Variants in WFDC8 observed in about 807,000 individuals in gnomAD.
WFDC8 encodes the protein WAP four-disulfide core domain 8.
In WFDC8, 24 loss-of-function variants were observed where a neutral mutation model predicts 27.0. That is an observed-to-expected ratio of 0.89 (90% CI 0.64 to 1.25). WFDC8 has a LOEUF of 1.25. WFDC8 is among the 50% of genes most tolerant of loss of function. WFDC8 has a pLI of 0.00. For synonymous variants in WFDC8, 106 were observed against 99.7 expected (o/e 1.06, Z -0.38); for missense variants, 287 against 295.9 (o/e 0.97, Z 0.22).
At chr20:45,567,647 C>G (rs1333152563) in intron 1 of WFDC8, among the ~76,000 whole-genome samples, 1 of 152,118 alleles carries the variant, frequency 6.6e-6, no homozygotes, top group Non-Finnish European at 1.5e-5. Flanking sequence ...ACAAAGGAAC[C>G]AGACTTCTAA....
chr20:45,566,730 C>T (rs1209445301), intron 1 of WFDC8, among the ~76,000 whole-genome samples: 2 of 152,092 alleles, frequency 1.3e-5, no homozygotes, highest in Non-Finnish European at 2.9e-5. Context: ...AGTAGAAGTG[C>T]ATTCCTAAAT....
chr20:45,565,339 A>G (rs1323414514), intron 1 of WFDC8, among the ~76,000 whole-genome samples: 1 of 152,214 alleles, frequency 6.6e-6, no homozygotes, highest in East Asian at 1.9e-4. Flanking sequence ...TGGGGTACCC[A>G]TATCCCTCAG....
At chr20:45,567,511 C>T (rs1328900887) in intron 1 of WFDC8, among the ~76,000 whole-genome samples, 5 of 152,172 alleles carry the variant, frequency 3.3e-5, no homozygotes, top group African/African-American at 9.7e-5. Context: ...CGGTCAGAAA[C>T]GGCCCATACA....
intron 1 of WFDC8, chr20:45,568,593 C>A: frequency 1.9e-6 from 1 of 518,392 alleles, no homozygotes; most frequent in Non-Finnish European, 3.9e-6. Flanking sequence ...CAGCCAATAC[C>A]ATAGCTTTAT....
At chr20:45,551,478 A>C (rs932813545), downstream of WFDC8, 19 of 152,310 alleles carry the variant, frequency 1.2e-4, 1 homozygote, top group African/African-American at 3.4e-4. Flanking sequence ...AAATACAAAA[A>C]ATTAGCTGGG....
chr20:45,575,098 T>A (rs1354961679), intron 1 of WFDC8, among the ~76,000 whole-genome samples: 1 of 152,242 alleles, frequency 6.6e-6, no homozygotes, highest in East Asian at 1.9e-4. Context: ...GTTTTTTCTC[T>A]GAGATCAGGA....
chr20:45,567,302 C>T (rs529697704), intron 1 of WFDC8, among the ~76,000 whole-genome samples: 1 of 152,092 alleles, frequency 6.6e-6, no homozygotes, highest in Non-Finnish European at 1.5e-5. Context: ...TAAATATATT[C>T]AAAATACACA....
chr20:45,562,031 C>G, intron 2 of WFDC8, 79 bp downstream of exon 2: 1 of 1,339,584 alleles, frequency 7.5e-7, no homozygotes. Flanking sequence ...TCATCTGACA[C>G]TGGCACTGGC....
At chr20:45,566,585 C>T (rs891244164) in intron 1 of WFDC8, among the ~76,000 whole-genome samples, 6 of 152,106 alleles carry the variant, frequency 3.9e-5, no homozygotes, top group Non-Finnish European at 7.4e-5. Context: ...ATTGCTTGAA[C>T]TTGGGAGGCT....
Position 45,562,180 on chromosome 20 carries a change from A to C in WFDC8, c.66T>G (p.Asn22Lys). 6.2e-7 allele frequency: 1 copy of C among 1,614,188 alleles called. No individual in the cohort carries two copies. Among genetic ancestry groups the C allele is most frequent in the South Asian group, 1.1e-5 (1 of 91,086 alleles). ...PLHSPTFSWR[N>K]VAFLLLLSLA... is the part of the protein sequence containing the mutation. ...GGGAGAGAAGCAGCAGGAAAGCTAC[A>C]TTCCTCCAGGAGAAGGTGGGGCTAT... Residue 22 changes from asparagine (N) to lysine (K), a missense_variant, in exon 2 of 6, where the codon AAT (asparagine) becomes AAG (lysine). By Grantham distance (94) the Asn-to-Lys change is moderately conservative. Coordinates refer to ENST00000289953, the MANE Select transcript of WFDC8 (RefSeq NM_130896.3).
At chr20:45,553,326 C>A in intron 4 of WFDC8, 50 bp from the exon 5 acceptor site, 1 of 1,577,674 alleles carries the variant, frequency 6.3e-7, no homozygotes, top group South Asian at 1.2e-5. Flanking sequence ...CCCATCCCAC[C>A]ACCCTTCAAA....
chr20:45,559,114 C>T, intron 2 of WFDC8, 122 bp from the exon 3 acceptor site: 1 of 1,257,894 alleles, frequency 7.9e-7, no homozygotes, highest in Non-Finnish European at 1.1e-6. Flanking sequence ...TTAGTTCTTG[C>T]TCTGCTTATA....
intron 4 of WFDC8, among the ~76,000 whole-genome samples, chr20:45,554,658 C>G (rs1333181444): frequency 1.3e-5 from 2 of 152,164 alleles, no homozygotes; most frequent in African/African-American, 2.4e-5. Context: ...CCTTGTCTTC[C>G]TGGGAGAGGA....
intron 1 of WFDC8, among the ~76,000 whole-genome samples, chr20:45,578,476 A>G (rs1353243259): frequency 6.6e-6 from 1 of 151,442 alleles, no homozygotes; most frequent in African/African-American, 2.4e-5. Flanking sequence ...AGCAGCCTCT[A>G]TGTGGATTAG....
In WFDC8 at chr20:45,553,180, C is replaced by T. The variant is rs554404120; in HGVS notation, c.542G>A (p.Cys181Tyr). 2.5e-6 allele frequency: 4 copies of T among 1,613,714 alleles called. No homozygotes were observed. The highest frequency in any genetic ancestry group is 2.7e-5 in the African/African-American group (2 of 74,906). Reference protein sequence around the residue: ...SDIDCPQTDKCCESRCGFVCA... With the variant: ...SDIDCPQTDKYCESRCGFVCA... ...AACAAAGCCACACCTGGATTCACAA[C>T]ATTTGTCTGTCTGGGGACAATCGAT... The change falls in exon 5 of 6, where the codon TGT becomes TAT. Residue 181 changes from cysteine to tyrosine, a missense_variant. By Grantham distance (194) the Cys-to-Tyr change is radical. Coordinates refer to ENST00000289953, the MANE Select transcript of WFDC8 (RefSeq NM_130896.3).
chr20:45,558,478 C>T (rs1355854316), intron 3 of WFDC8, among the ~76,000 whole-genome samples: 1 of 152,194 alleles, frequency 6.6e-6, no homozygotes, highest in Non-Finnish European at 1.5e-5. Flanking sequence ...TAGATAGATG[C>T]CCAATACATT....
chr20:45,555,641 T>G, intron 4 of WFDC8, 60 bp downstream of exon 4: 1 of 1,584,878 alleles, frequency 6.3e-7, no homozygotes, highest in Non-Finnish European at 8.6e-7. Flanking sequence ...GCCTATAACC[T>G]CATTGGTATA....
intron 1 of WFDC8, among the ~76,000 whole-genome samples, chr20:45,572,717 G>A (rs1271440912): frequency 5.3e-5 from 8 of 152,060 alleles, no homozygotes; most frequent in African/African-American, 1.4e-4. Context: ...AGCAATTCTC[G>A]TGCCTCAGCC....
chr20:45,576,898 CAT>C (rs1338137142), intron 1 of WFDC8, among the ~76,000 whole-genome samples: 2 of 151,530 alleles, frequency 1.3e-5, no homozygotes, highest in East Asian at 3.9e-4. Flanking sequence ...GCACTAATGA[CAT>C]ATTTGGATTC....
Sources: gnomAD v4.1 joint callset for allele counts (sites outside exome capture counted in the v4.1 genomes callset) on GRCh38, gnomAD v4.1.1 for gene constraint, MANE v1.5 for transcripts, NCBI Gene and HGNC (gene_info 2026-07-23, HGNC 2026-07-21) for gene names.